The following HS3ST2 variants were observed in gnomAD, a reference collection of about 807,000 sequenced individuals.
HS3ST2 encodes heparan sulfate glucosamine 3-O-sulfotransferase 2.
In HS3ST2, 17 loss-of-function variants were observed where a neutral mutation model predicts 26.3. The ratio of observed to expected loss-of-function variants is 0.65; its 90% CI spans 0.44 to 0.97. HS3ST2 has a LOEUF of 0.97. Among genes scored for constraint, HS3ST2 ranks in the 50% least tolerant of loss-of-function variants. The pLI is 0.00. For synonymous variants in HS3ST2, 237 were observed against 219.2 expected (o/e 1.08, Z -0.72); for missense variants, 402 against 501.2 (o/e 0.80, Z 1.89).
intron 1 of HS3ST2, among the ~76,000 whole-genome samples, chr16:22,847,826 G>T (rs946761245): frequency 9.3e-6 from 1 of 107,214 alleles, no homozygotes; most frequent in Non-Finnish European, 2.0e-5. Flanking sequence ...GGAGAAGAAA[G>T]AAAAAAATAA....
intron 1 of HS3ST2, among the ~76,000 whole-genome samples, chr16:22,821,422 C>T (rs1017732475): frequency 2.6e-5 from 4 of 151,262 alleles, no homozygotes; most frequent in African/African-American, 9.7e-5. Flanking sequence ...CCTGTATGAT[C>T]GAGTGACAGG....
At chr16:22,910,645 ATTGTCC>A (rs1902414183) in intron 1 of HS3ST2, among the ~76,000 whole-genome samples, 1 of 152,230 alleles carries the variant, frequency 6.6e-6, no homozygotes, top group Non-Finnish European at 1.5e-5. Context: ...AATGCTATTA[ATTGTCC>A]TACTCAATAC....
chr16:22,823,457 A>G (rs959663080), intron 1 of HS3ST2, among the ~76,000 whole-genome samples: 2 of 152,144 alleles, frequency 1.3e-5, no homozygotes, highest in Non-Finnish European at 2.9e-5. Context: ...AACTGACGTT[A>G]TGGGAAATAT....
At chr16:22,863,526 C>G (rs753591051) in intron 1 of HS3ST2, among the ~76,000 whole-genome samples, 1 of 152,152 alleles carries the variant, frequency 6.6e-6, no homozygotes, top group Non-Finnish European at 1.5e-5. Flanking sequence ...CAAATGATTC[C>G]GTCACCCAGA....
chr16:22,834,195 C>T (rs146369041), intron 1 of HS3ST2, among the ~76,000 whole-genome samples: 1 of 152,084 alleles, frequency 6.6e-6, no homozygotes, highest in East Asian at 1.9e-4. Context: ...AAATGGAAAT[C>T]GTGCATTGTG....
intron 1 of HS3ST2, among the ~76,000 whole-genome samples, chr16:22,901,403 T>TACTC (rs1237512845): frequency 6.6e-6 from 1 of 152,120 alleles, no homozygotes; most frequent in Non-Finnish European, 1.5e-5. Flanking sequence ...TAAAAATGCA[T>TACTC]ACTCTTAGCA....
At chr16:22,816,309 A>G (rs1163394989) in intron 1 of HS3ST2, among the ~76,000 whole-genome samples, 1 of 152,190 alleles carries the variant, frequency 6.6e-6, no homozygotes, top group African/African-American at 2.4e-5. Context: ...GTTTTTATCT[A>G]CAGCTTTAGG....
intron 1 of HS3ST2, among the ~76,000 whole-genome samples, chr16:22,845,105 C>T (rs1901413003): frequency 1.4e-5 from 2 of 148,046 alleles, no homozygotes; most frequent in African/African-American, 2.7e-5. Flanking sequence ...CCGCCTGCCT[C>T]GGCCTCCCAA....
intron 1 of HS3ST2, among the ~76,000 whole-genome samples, chr16:22,859,250 A>G (rs1210244484): frequency 6.6e-6 from 1 of 152,202 alleles, no homozygotes; most frequent in African/African-American, 2.4e-5. Flanking sequence ...CCATGCTCTA[A>G]GAAGACCAAA....
In HS3ST2 at chr16:22,914,965, C is replaced by T. The variant is rs746742462; in HGVS notation, c.507C>T (p.Leu169=). Residue 169 remains leucine, a synonymous_variant, in exon 2 of 2, where the codon CTC becomes CTT. Transcript: ENST00000261374. ...DWYRSLMPRT[L]ESQITLEKTP... is the part of the protein sequence containing the mutation. ...ACAGGAGCCTGATGCCCAGGACCCTCGAGAGCCAGATCACGCTGGAGAAGA... is the reference window on the plus strand; with the variant it reads ...ACAGGAGCCTGATGCCCAGGACCCTTGAGAGCCAGATCACGCTGGAGAAGA... 14 of 1,612,772 alleles carry T rather than the reference C, an allele frequency of 8.7e-6. No homozygotes were observed. The highest frequency in any genetic ancestry group is 1.1e-5 in the Non-Finnish European group (13 of 1,179,770).
Position 22,858,350 on chromosome 16 carries a change from A to C in HS3ST2, c.485+43255A>C, listed in dbSNP as rs576396638. ...ATGTGCCCACAAATTTTTTTTAAAA[A>C]ATTTTAAAGAAGAGCTCTTGGACTA... On this transcript the variant is annotated intron_variant, in intron 1 of 1. Transcript: ENST00000261374. Among the ~76,000 whole-genome samples the C allele has an allele frequency of 7.5e-4, 113 of 151,088 alleles. 2 individuals carry two copies. Among genetic ancestry groups the C allele is most frequent in the Non-Finnish European group, 1.4e-3 (98 of 67,902 alleles).
intron 1 of HS3ST2, among the ~76,000 whole-genome samples, chr16:22,894,203 G>A (rs1309850338): frequency 2.6e-5 from 4 of 152,084 alleles, no homozygotes; most frequent in Non-Finnish European, 5.9e-5. Context: ...GGGCTCCTCC[G>A]CTTGTCAGGT....
chr16:22,817,733 T>C (rs1410443810), intron 1 of HS3ST2, among the ~76,000 whole-genome samples: 1 of 151,968 alleles, frequency 6.6e-6, no homozygotes, highest in Non-Finnish European at 1.5e-5. Context: ...CCCATTGGAG[T>C]GGACTGTGCT....
intron 1 of HS3ST2, among the ~76,000 whole-genome samples, chr16:22,842,058 C>CTTTTTTTTTTTTT (rs1901366128): frequency 8.0e-6 from 1 of 124,544 alleles, no homozygotes; most frequent in South Asian, 2.5e-4. Flanking sequence ...TTTTTCTTTT[C>CTTTTTTTTTTTTT]TTTCTTTTTT....
chr16:22,867,920 A>G (rs1901779276), intron 1 of HS3ST2, among the ~76,000 whole-genome samples: 2 of 152,262 alleles, frequency 1.3e-5, no homozygotes, highest in African/African-American at 4.8e-5. Flanking sequence ...GGAGATTGGT[A>G]TGGAATACTA....
At chr16:22,838,009 T>C (rs1395932720) in intron 1 of HS3ST2, among the ~76,000 whole-genome samples, 1 of 151,690 alleles carries the variant, frequency 6.6e-6, no homozygotes, top group Non-Finnish European at 1.5e-5. Context: ...AGGTAAAAAA[T>C]TGTTCTATGT....
chr16:22,893,783 G>A (rs944188801), intron 1 of HS3ST2, among the ~76,000 whole-genome samples: 4 of 151,418 alleles, frequency 2.6e-5, no homozygotes, highest in African/African-American at 7.3e-5. Context: ...ATGGACACAG[G>A]GAGGGGAATG....
chr16:22,873,015 T>C (rs1901859497), intron 1 of HS3ST2, among the ~76,000 whole-genome samples: 3 of 152,208 alleles, frequency 2.0e-5, no homozygotes, highest in Admixed American at 2.0e-4. Context: ...TTTCAATGCC[T>C]CAGTTTCCTT....
At chr16:22,844,035 A>G (rs902782889) in intron 1 of HS3ST2, among the ~76,000 whole-genome samples, 6 of 148,284 alleles carry the variant, frequency 4.0e-5, no homozygotes, top group Non-Finnish European at 7.4e-5. Context: ...ACACACACAC[A>G]CGCACACACA....
Sources: allele counts gnomAD v4.1 joint callset (sites outside exome capture counted in the v4.1 genomes callset), GRCh38; gene constraint gnomAD v4.1.1; transcripts MANE v1.5; gene names NCBI Gene and HGNC (gene_info 2026-07-23, HGNC 2026-07-21).